MMP21: variants seen among roughly 807,000 people sequenced by gnomAD.
The protein encoded by MMP21 is matrix metalloproteinase-21.
Under a neutral mutation model 47.8 loss-of-function variants are expected in MMP21, and 40 were observed. The ratio of observed to expected loss-of-function variants is 0.84; its 90% CI spans 0.65 to 1.09. The LOEUF is 1.09. Among genes scored for constraint, MMP21 ranks in the 50% least tolerant of loss-of-function variants. The pLI, the probability that MMP21 is intolerant of heterozygous loss-of-function variation, is 0.00. For synonymous variants in MMP21, 341 were observed against 318.0 expected, an observed-to-expected ratio of 1.07 and a Z score of -0.77; for missense variants, 747 against 775.3, an observed-to-expected ratio of 0.96 and a Z score of 0.43.
At chr10:125,770,236 A>T (rs866744777) in intron 5 of MMP21, 98 bp downstream of exon 5, 1 of 1,240,596 alleles carries the variant, frequency 8.1e-7, no homozygotes, top group Middle Eastern at 2.0e-4. Context: ...AGTAATGACA[A>T]GAGCATTACA....
chr10:125,772,835 A>G lies in MMP21; in HGVS notation c.698-85T>C. ...CTCACCTAGGGGGTCCCCAGCCTCC[A>G]GGAGCCGGCAGCAGAGGTAGACAGA... On this transcript the variant is annotated intron_variant, in intron 2 of 6. Transcript: ENST00000368808. The surrounding 1 kb of genome is among the most constrained non-coding windows in gnomAD (Gnocchi z 5.6). The G allele has an allele frequency of 6.7e-7, 1 of 1,490,928 alleles. No individual in the cohort carries two copies. The highest frequency in any genetic ancestry group is 9.1e-7 in the Non-Finnish European group (1 of 1,096,990). 92.4% of individuals were successfully genotyped at this position (1,490,928 alleles called of 1,614,324 possible). A position where few individuals can be genotyped will look rare whatever the true frequency, so the allele number is the denominator to read the frequency against.
chr10:125,774,876 CTGGGAATTGG>C (rs1333650228), intron 1 of MMP21, among the ~76,000 whole-genome samples: 1 of 152,154 alleles, frequency 6.6e-6, no homozygotes, highest in East Asian at 1.9e-4. Flanking sequence ...GTCCTGAGAG[CTGGGAATTGG>C]AACTGAGGGG....
At position 125,767,721 on chromosome 10, in the gene MMP21, A is replaced by G. The variant is rs768198384; in HGVS notation, c.1238-17T>C. Reference sequence around the variant, plus strand: ...ATTGATTTCCTGAGAGCCAAACAAAATACGTTCATGTGGTTTATTACTATT... The same window carrying G: ...ATTGATTTCCTGAGAGCCAAACAAAGTACGTTCATGTGGTTTATTACTATT... On this transcript the variant is annotated splice_polypyrimidine_tract_variant and intron_variant, in intron 5 of 6. Transcript: ENST00000368808. 10 of 1,613,248 alleles carry G rather than the reference A, an allele frequency of 6.2e-6. No homozygotes were observed. The Admixed American group carries it at 1.2e-4, about 19-fold the overall frequency.
In MMP21 at chr10:125,767,522, T is replaced by G; in HGVS notation, c.1410+10A>C. ...AGAAGCATTGCTAGGCTGAAGAGCC[T>G]TCTACTTACAAGGGACTCCTTGAAG... On this transcript the variant is annotated intron_variant, in intron 6 of 6. Coordinates refer to ENST00000368808, the MANE Select transcript of MMP21 (RefSeq NM_147191.1). 6.2e-7 allele frequency: 1 copy of G among 1,612,908 alleles called. No homozygotes were observed. Among genetic ancestry groups the G allele is most frequent in the Non-Finnish European group, 8.5e-7 (1 of 1,179,154 alleles).
chr10:125,772,630 G>C lies in MMP21; in HGVS notation c.818C>G (p.Thr273Arg), dbSNP rs746669147. Residue 273 changes from threonine (T) to arginine (R), a missense_variant, in exon 3 of 7, where the codon ACG (threonine) becomes AGG (arginine). Physicochemically the swap from Thr to Arg is moderately conservative, Grantham distance 71 (BLOSUM62 -1). Transcript: ENST00000368808. The surrounding 1 kb of genome is among the most constrained non-coding windows in gnomAD (Gnocchi z 5.6). ...ACTGACCTTGAGAAGGCTGATGCCC[G>C]TGTCACTGGTGGGAGGTGTGAAGTG... ...DEHFTPPTSD[T>R]GISLLKVAVH... is the part of the protein sequence containing the mutation. 2.5e-6 allele frequency: 4 copies of C among 1,614,120 alleles called. No homozygotes were observed. In the African/African-American group the frequency reaches 4.0e-5, roughly 16 times the overall value.
intron 5 of MMP21, among the ~76,000 whole-genome samples, 154 bp downstream of exon 5, chr10:125,770,180 G>A (rs1850430017): frequency 6.6e-6 from 1 of 152,070 alleles, no homozygotes. Context: ...CCCAATCCTT[G>A]TGCCCTCAGA....
chr10:125,767,144 T>A (rs28381325), intron 6 of MMP21, among the ~76,000 whole-genome samples, 183 bp from the exon 7 acceptor site: 2 of 152,266 alleles, frequency 1.3e-5, no homozygotes, highest in South Asian at 4.1e-4. Flanking sequence ...TTTTTGTTTT[T>A]TTTTTGGGCC....
At chr10:125,771,646 G>A (rs1286926537) in intron 4 of MMP21, among the ~76,000 whole-genome samples, 1 of 152,094 alleles carries the variant, frequency 6.6e-6, no homozygotes, top group East Asian at 1.9e-4. Context: ...TCAAGAATCC[G>A]CCCACCTTGG....
Position 125,774,381 on chromosome 10 carries a change from G to A in MMP21, c.163-16C>T, listed in dbSNP as rs1364131521. On this transcript the variant is annotated splice_polypyrimidine_tract_variant and intron_variant, in intron 1 of 6. Transcript: ENST00000368808. Reference sequence around the variant, plus strand: ...ACAGGAACCGCTGTGGGAGAGAAAGGCACCCTAATCTGGGCCGCCTCGCTC... The same window carrying A: ...ACAGGAACCGCTGTGGGAGAGAAAGACACCCTAATCTGGGCCGCCTCGCTC... 3.8e-6 allele frequency: 5 copies of A among 1,332,138 alleles called. No homozygotes were observed. The highest frequency in any genetic ancestry group is 1.9e-5 in the South Asian group (1 of 52,986). 82.5% of individuals were successfully genotyped at this position (1,332,138 alleles called of 1,614,324 possible).
Position 125,773,802 on chromosome 10 carries a change from G to T in MMP21, c.697+29C>A, listed in dbSNP as rs1217227655. The T allele has an allele frequency of 2.0e-6, 3 of 1,474,594 alleles. No homozygotes were observed. The highest frequency in any genetic ancestry group is 2.7e-6 in the Non-Finnish European group (3 of 1,118,066). 91.3% of individuals were successfully genotyped at this position (1,474,594 alleles called of 1,614,324 possible). A position where few individuals can be genotyped will look rare whatever the true frequency, so the allele number is the denominator to read the frequency against. On this transcript the variant is annotated intron_variant, in intron 2 of 6. Transcript: ENST00000368808. This position sits in a 1 kb window ranked among gnomAD's most constrained non-coding sequence, Gnocchi z 4.8. ...CCGGGGTCCCCGAGGGGCTGGGTCG[G>T]GCAGGCAGGGAGCCCGGGGTGCTCT...
Position 125,773,925 on chromosome 10 carries a change from GGCCAGC to G in MMP21, c.597_602del (p.Leu200_Ala201del), listed in dbSNP as rs942319027. 1.3e-6 allele frequency: 2 copies of G among 1,584,548 alleles called. No individual in the cohort carries two copies. The highest frequency in any genetic ancestry group is 1.7e-6 in the Non-Finnish European group (2 of 1,172,660). ...GCGTCACCTCGCTCCACATCCTGAAGGCCAGCGCCACAATGCGCCGCTGGTCGGCCA... is the reference window on the plus strand; with the variant it reads ...GCGTCACCTCGCTCCACATCCTGAAGGCCACAATGCGCCGCTGGTCGGCCA... On this transcript the variant is annotated inframe_deletion, in exon 2 of 7. Coordinates refer to ENST00000368808, the MANE Select transcript of MMP21 (RefSeq NM_147191.1). This position sits in a 1 kb window ranked among gnomAD's most constrained non-coding sequence, Gnocchi z 4.8.
chr10:125,769,035 G>T (rs919253683), intron 5 of MMP21, among the ~76,000 whole-genome samples: 3 of 152,134 alleles, frequency 2.0e-5, no homozygotes, highest in African/African-American at 7.2e-5. Context: ...AAGCCCTATG[G>T]TTATATTACC....
chr10:125,766,632 C>A lies in MMP21; in HGVS notation c.*30G>T. On this transcript the variant is annotated 3_prime_UTR_variant, in exon 7 of 7. Coordinates refer to ENST00000368808, the MANE Select transcript of MMP21 (RefSeq NM_147191.1). ...ACAGTATCAGAATTTTAGCGAAGTCCTATGACCCTCCATTTCCTACTTTTT... is the reference window on the plus strand; with the variant it reads ...ACAGTATCAGAATTTTAGCGAAGTCATATGACCCTCCATTTCCTACTTTTT... The A allele has an allele frequency of 6.5e-7, 1 of 1,550,074 alleles. No individual in the cohort carries two copies. Among genetic ancestry groups the A allele is most frequent in the South Asian group, 1.3e-5 (1 of 78,246 alleles).
At chr10:125,770,123 G>A (rs1850429425) in intron 5 of MMP21, among the ~76,000 whole-genome samples, 1 of 152,132 alleles carries the variant, frequency 6.6e-6, no homozygotes, top group Non-Finnish European at 1.5e-5. Context: ...ACTCCAGCCT[G>A]GGTAACAGTG....
chr10:125,770,737 G>A, intron 4 of MMP21, 146 bp from the exon 5 acceptor site: 1 of 861,924 alleles, frequency 1.2e-6, no homozygotes, highest in Admixed American at 2.8e-5. Context: ...AGGCTGAAGT[G>A]GGGCCAGGTG....
chr10:125,769,089 A>C (rs1041496460), intron 5 of MMP21, among the ~76,000 whole-genome samples: 2 of 152,184 alleles, frequency 1.3e-5, no homozygotes, highest in Non-Finnish European at 2.9e-5. Context: ...CTGGGTAGGA[A>C]AGGGGAAGGA....
chr10:125,766,804 C>T lies in MMP21; in HGVS notation c.1568G>A (p.Gly523Asp), dbSNP rs1850391120. The T allele has an allele frequency of 6.2e-7, 1 of 1,613,700 alleles. No homozygotes were observed. The highest frequency in any genetic ancestry group is 1.7e-5 in the Admixed American group (1 of 59,962). The change falls in exon 7 of 7, where the codon GGC (glycine) becomes GAC (aspartate). Residue 523 changes from glycine (G) to aspartate (D), a missense_variant. Transcript: ENST00000368808. ...YAYNSIFFFK[G>D]NAYWKVVNDK... ...ATTAACTACCTTCCAGTATGCATTGCCTTTGAAAAAGAAAATGGAGTTGTA... is the reference window on the plus strand; with the variant it reads ...ATTAACTACCTTCCAGTATGCATTGTCTTTGAAAAAGAAAATGGAGTTGTA...
chr10:125,774,789 C>A (rs1455494775), intron 1 of MMP21, among the ~76,000 whole-genome samples: 1 of 152,094 alleles, frequency 6.6e-6, no homozygotes, highest in Non-Finnish European at 1.5e-5. Flanking sequence ...TCGCGCAGGG[C>A]AGGTCGTGCG....
Position 125,773,156 on chromosome 10 carries a change from G to T in MMP21, c.698-406C>A, listed in dbSNP as rs1202447373. Among the ~76,000 whole-genome samples the T allele has an allele frequency of 6.6e-6, 1 of 152,156 alleles. No homozygotes were observed. Among genetic ancestry groups the T allele is most frequent in the African/African-American group, 2.4e-5 (1 of 41,442 alleles). On this transcript the variant is annotated intron_variant, in intron 2 of 6. Coordinates refer to ENST00000368808, the MANE Select transcript of MMP21 (RefSeq NM_147191.1). The surrounding 1 kb of genome is among the most constrained non-coding windows in gnomAD (Gnocchi z 4.8). Reference sequence around the variant, plus strand: ...CGTGTCCCTATACTTCTCACCCTGGGACATTAACCCAGTGAGACCAGAAGA... The same window carrying T: ...CGTGTCCCTATACTTCTCACCCTGGTACATTAACCCAGTGAGACCAGAAGA...
Sources: allele counts gnomAD v4.1 joint callset (sites outside exome capture counted in the v4.1 genomes callset), GRCh38; gene constraint gnomAD v4.1.1; non-coding constraint Gnocchi (gnomAD v3.1); transcripts MANE v1.5; gene names NCBI Gene and HGNC (gene_info 2026-07-23, HGNC 2026-07-21).